DGKI: variants seen among roughly 807,000 people sequenced by gnomAD.
DGKI encodes DAG kinase iota.
Under a neutral mutation model 147.5 loss-of-function variants are expected in DGKI, and 55 were observed. The ratio of observed to expected loss-of-function variants is 0.37; its 90% CI spans 0.30 to 0.47. The LOEUF is 0.47. Among genes scored for constraint, DGKI ranks in the 20% least tolerant of loss-of-function variants. The pLI, the probability that DGKI is intolerant of heterozygous loss-of-function variation, is 1.00. For missense variants in DGKI, 1,007 were observed against 1,323.8 expected, an observed-to-expected ratio of 0.76 and a Z score of 3.71; for synonymous variants, 469 against 477.1, an observed-to-expected ratio of 0.98 and a Z score of 0.22.
At chr7:137,471,951 A>G (rs564879162) in intron 23 of DGKI, among the ~76,000 whole-genome samples, 1 of 128,804 alleles carries the variant, frequency 7.8e-6, no homozygotes, top group Admixed American at 8.2e-5. Context: ...ATACACATGT[A>G]TATATTATAT....
At chr7:137,643,118 T>C (rs570036708) in intron 6 of DGKI, among the ~76,000 whole-genome samples, 28 of 151,476 alleles carry the variant, frequency 1.8e-4, no homozygotes, top group African/African-American at 6.1e-4. Context: ...GGTGAAACCC[T>C]GTTTCTACTA....
In DGKI at chr7:137,597,880, A is replaced by C. The variant is rs766411262; in HGVS notation, c.1278T>G (p.Asn426Lys). 1 of 1,613,852 alleles carries C rather than the reference A, an allele frequency of 6.2e-7. No homozygotes were observed. The highest frequency in any genetic ancestry group is 8.5e-7 in the Non-Finnish European group (1 of 1,179,928). Residue 426 changes from asparagine (N) to lysine (K), a missense_variant, in exon 12 of 33, where the codon AAT (asparagine) becomes AAG (lysine). By Grantham distance (94) the Asn-to-Lys change is moderately conservative. Around this residue, in one of 5 missense-constraint regions of DGKI, gnomAD observed 224 missense variants for 382.7 expected, o/e 0.59. Transcript: ENST00000614521. The part of the protein sequence containing the change: ...DALELYRKVP[N>K]LRILACGGDG... ...CCCCACCACAGGCCAGAATTCGCAGATTTGGTACTTTCCTATACAATTCAA... is the reference window on the plus strand; with the variant it reads ...CCCCACCACAGGCCAGAATTCGCAGCTTTGGTACTTTCCTATACAATTCAA...
intron 20 of DGKI, among the ~76,000 whole-genome samples, chr7:137,540,668 AGAGT>A (rs776145080): frequency 3.0e-4 from 45 of 149,306 alleles, no homozygotes; most frequent in Non-Finnish European, 5.8e-4. Context: ...CCTGGGTGAC[AGAGT>A]GAGACCCTGT....
In DGKI at chr7:137,599,778, T is replaced by C. The variant is rs10271043; in HGVS notation, c.1250+45A>G. 27 of 1,574,484 alleles carry C rather than the reference T, an allele frequency of 1.7e-5. No homozygotes were observed. In the South Asian group the frequency reaches 2.8e-4, roughly 16 times the overall value. The stretch of plus-strand genomic sequence containing the variant: ...AGATAATGAAGCAGAAAATTCTCAC[T>C]TGCCTAAAATACATATGGACCATGG... On this transcript the variant is annotated intron_variant, in intron 11 of 32. Coordinates refer to ENST00000614521, the MANE Select transcript of DGKI (RefSeq NM_001321708.2).
chr7:137,787,497 T>C (rs906504199), intron 1 of DGKI, among the ~76,000 whole-genome samples: 1 of 152,064 alleles, frequency 6.6e-6, no homozygotes, highest in Non-Finnish European at 1.5e-5. Flanking sequence ...ATGAAAACAT[T>C]TTTACACTGT....
intron 1 of DGKI, among the ~76,000 whole-genome samples, chr7:137,772,595 C>T (rs1796238981): frequency 6.6e-6 from 1 of 152,022 alleles, no homozygotes; most frequent in Admixed American, 6.5e-5. Context: ...GGCAACCATT[C>T]GTAACTATGA....
chr7:137,732,224 C>G (rs966470909), intron 1 of DGKI, among the ~76,000 whole-genome samples: 2 of 151,936 alleles, frequency 1.3e-5, no homozygotes, highest in African/African-American at 4.8e-5. Flanking sequence ...GCCTTTCATA[C>G]CACGGAGGCT....
chr7:137,530,565 T>C (rs1382336641), intron 20 of DGKI, among the ~76,000 whole-genome samples: 1 of 152,182 alleles, frequency 6.6e-6, no homozygotes, highest in Admixed American at 6.6e-5. Context: ...TGCCCAACTA[T>C]AGTTATCTTT....
chr7:137,646,232 G>C (rs138194198), intron 5 of DGKI, among the ~76,000 whole-genome samples: 23 of 152,280 alleles, frequency 1.5e-4, no homozygotes, highest in African/African-American at 5.1e-4. Flanking sequence ...CAAACTCTCA[G>C]AAAGAGATCT....
At chr7:137,476,594 T>A (rs956926824) in intron 23 of DGKI, among the ~76,000 whole-genome samples, 3 of 152,252 alleles carry the variant, frequency 2.0e-5, no homozygotes, top group Non-Finnish European at 4.4e-5. Context: ...TTTAGAAATA[T>A]TAGGCTACAG....
intron 15 of DGKI, among the ~76,000 whole-genome samples, chr7:137,579,281 G>A (rs1819095917): frequency 6.6e-6 from 1 of 151,962 alleles, no homozygotes; most frequent in African/African-American, 2.4e-5. Context: ...TTCTTGGTTT[G>A]AGAACAGCCA....
At chr7:137,834,177 C>A (rs933608489) in intron 1 of DGKI, among the ~76,000 whole-genome samples, 1 of 152,196 alleles carries the variant, frequency 6.6e-6, no homozygotes, top group African/African-American at 2.4e-5. Flanking sequence ...TCATTGAGCA[C>A]CTCCCAGATA....
intron 1 of DGKI, among the ~76,000 whole-genome samples, chr7:137,789,294 G>C (rs1033327890): frequency 1.3e-5 from 2 of 152,014 alleles, no homozygotes; most frequent in Non-Finnish European, 2.9e-5. Context: ...TTGGAAGTGG[G>C]AGAGGTTTTT....
Position 137,703,167 on chromosome 7 carries a change from G to A in DGKI, c.402-13165C>T, listed in dbSNP as rs879860535. 5.9e-5 allele frequency among the ~76,000 whole-genome samples: 9 copies of A among 152,132 alleles called. No homozygotes were observed. The East Asian group carries it at 9.6e-4, about 16-fold the overall frequency. ...AAGGTCTCCGGAAACTTACGATCAC[G>A]GCGGAAGGGAAAACAAGCACTTTCT... is the stretch of plus-strand genomic sequence containing the variant. On this transcript the variant is annotated intron_variant, in intron 1 of 32. Coordinates refer to ENST00000614521, the MANE Select transcript of DGKI (RefSeq NM_001321708.2).
intron 1 of DGKI, among the ~76,000 whole-genome samples, chr7:137,798,873 A>G (rs1797112258): frequency 6.6e-6 from 1 of 152,216 alleles, no homozygotes; most frequent in South Asian, 2.1e-4. Flanking sequence ...ATAATATACC[A>G]TATTAATAGA....
intron 1 of DGKI, among the ~76,000 whole-genome samples, chr7:137,721,698 A>G (rs1348679555): frequency 2.0e-5 from 3 of 152,162 alleles, no homozygotes; most frequent in African/African-American, 7.2e-5. Context: ...CCCTTTGCCT[A>G]AGGTAAGTCC....
intron 20 of DGKI, among the ~76,000 whole-genome samples, chr7:137,545,715 A>C (rs1817841070): frequency 6.6e-6 from 1 of 152,232 alleles, no homozygotes; most frequent in Non-Finnish European, 1.5e-5. Context: ...AGAGGATGGA[A>C]GCACATAGAA....
At chr7:137,711,770 T>C (rs1260308124) in intron 1 of DGKI, among the ~76,000 whole-genome samples, 1 of 142,138 alleles carries the variant, frequency 7.0e-6, no homozygotes, top group African/African-American at 2.6e-5. Context: ...CTCGGCTCAC[T>C]GCAACCTACG....
At position 137,512,490 on chromosome 7, in the gene DGKI, T is replaced by G. The variant is rs537538903; in HGVS notation, c.2248+9376A>C. Among the ~76,000 whole-genome samples the G allele has an allele frequency of 2.0e-5, 3 of 152,316 alleles. No homozygotes were observed. The East Asian group carries it at 5.8e-4, about 29-fold the overall frequency. On this transcript the variant is annotated intron_variant, in intron 21 of 32. Coordinates refer to ENST00000614521, the MANE Select transcript of DGKI (RefSeq NM_001321708.2). ...GGGAAGTCTAACTACCATCTGAGCTTACATTCCAGAGTTGTCAACCTGGTA... is the reference window on the plus strand; with the variant it reads ...GGGAAGTCTAACTACCATCTGAGCTGACATTCCAGAGTTGTCAACCTGGTA...
Sources: gnomAD v4.1 joint callset for allele counts (sites outside exome capture counted in the v4.1 genomes callset) on GRCh38, gnomAD v4.1.1 for gene constraint, gnomAD v4.1.1 regional missense constraint, MANE v1.5 for transcripts, NCBI Gene and HGNC (gene_info 2026-07-23, HGNC 2026-07-21) for gene names.